LARGE1: variants seen among roughly 807,000 people sequenced by gnomAD.
The protein encoded by LARGE1 is LARGE xylosyl- and glucuronyltransferase 1.
LARGE1 carries 43 observed loss-of-function variants against 87.6 expected under a neutral mutation model. The observed-to-expected ratio is 0.49, with a 90% CI of 0.38 to 0.63. The LOEUF (loss-of-function observed/expected upper bound fraction) is 0.63, where lower values mean the gene tolerates loss of function less well. Among genes scored for constraint, LARGE1 ranks in the 30% least tolerant of loss-of-function variants. The pLI is 0.00. For synonymous variants in LARGE1, 434 were observed against 394.6 expected (o/e 1.10, Z -1.18); for missense variants, 802 against 1,000.2 (o/e 0.80, Z 2.67).
intron 2 of LARGE1, among the ~76,000 whole-genome samples, chr22:33,691,213 T>C (rs2082089461): frequency 6.6e-6 from 1 of 151,962 alleles, no homozygotes. Context: ...TGTTAGCAGA[T>C]GTGGAGGCAG....
the LARGE1 span, among the ~76,000 whole-genome samples, chr22:33,151,021 C>T: frequency 5.3e-5 from 8 of 152,184 alleles, no homozygotes; most frequent in Admixed American, 1.3e-4. Context: ...GTGCATTAAA[C>T]CTGTAGATAT....
intron 1 of LARGE1, among the ~76,000 whole-genome samples, chr22:33,793,512 A>G (rs867184601): frequency 4.6e-5 from 7 of 152,336 alleles, no homozygotes; most frequent in Middle Eastern, 3.4e-3. Context: ...TTAGGAAATG[A>G]AAGGTTCAAA....
intron 9 of LARGE1, among the ~76,000 whole-genome samples, chr22:33,347,186 T>C (rs1268470365): frequency 6.6e-6 from 1 of 152,254 alleles, no homozygotes; most frequent in African/African-American, 2.4e-5. Flanking sequence ...AGGCAATTGC[T>C]AGGTCCTTCT....
chr22:33,354,673 T>G (rs955306991), intron 9 of LARGE1, among the ~76,000 whole-genome samples: 7 of 152,236 alleles, frequency 4.6e-5, no homozygotes, highest in Non-Finnish European at 1.0e-4. Flanking sequence ...GCTACAAATA[T>G]TTTTGTATGA....
chr22:33,147,168 T>A, the LARGE1 span, among the ~76,000 whole-genome samples: 4 of 152,218 alleles, frequency 2.6e-5, no homozygotes, highest in East Asian at 7.7e-4. Context: ...GACATTTGAA[T>A]GGCTTCCAGG....
chr22:33,157,500 C>T (rs1921908984), downstream of LARGE1, among the ~76,000 whole-genome samples: 1 of 152,312 alleles, frequency 6.6e-6, no homozygotes, highest in Admixed American at 6.5e-5. Context: ...GTATTATTTA[C>T]AGCTCTAACT....
At chr22:33,128,683 A>AAAC in the LARGE1 span, among the ~76,000 whole-genome samples, 84 of 58,838 alleles carry the variant, frequency 1.4e-3, no homozygotes, top group Admixed American at 2.9e-3. Flanking sequence ...TCAAAAACAA[A>AAAC]AAAAAAAAAA....
chr22:33,746,315 G>A (rs1425787805), intron 2 of LARGE1: 1 of 152,192 alleles, frequency 6.6e-6, no homozygotes, highest in African/African-American at 2.4e-5. Context: ...ACAAGTCAAG[G>A]ACTTGGTGCC....
At chr22:33,764,221 A>G (rs1442257873) in intron 1 of LARGE1, among the ~76,000 whole-genome samples, 1 of 151,950 alleles carries the variant, frequency 6.6e-6, no homozygotes, top group Non-Finnish European at 1.5e-5. Context: ...ATTCCAACAA[A>G]CAAGTATTGC....
At chr22:33,688,292 T>A (rs2081999800) in intron 2 of LARGE1, among the ~76,000 whole-genome samples, 1 of 152,180 alleles carries the variant, frequency 6.6e-6, no homozygotes. Flanking sequence ...GTAGGTTAAG[T>A]GTTCATCATT....
chr22:33,728,411 T>C (rs923792367), intron 2 of LARGE1, among the ~76,000 whole-genome samples: 4 of 151,674 alleles, frequency 2.6e-5, no homozygotes, highest in Non-Finnish European at 5.9e-5. Context: ...CGGGGGTGCA[T>C]GCCTGTAATC....
intron 1 of LARGE1, among the ~76,000 whole-genome samples, chr22:33,888,527 G>A (rs2064920427): frequency 6.6e-6 from 1 of 152,112 alleles, no homozygotes; most frequent in East Asian, 1.9e-4. Context: ...AACATTTATG[G>A]AGCCCTCCAA....
chr22:33,544,694 C>CAACAACCACCACA (rs1555952160), intron 6 of LARGE1, among the ~76,000 whole-genome samples: 1 of 136,530 alleles, frequency 7.3e-6, no homozygotes, highest in African/African-American at 3.4e-5. Flanking sequence ...AAACAACAAC[C>CAACAACCACCACA]ACAACAACAA....
intron 4 of LARGE1, among the ~76,000 whole-genome samples, chr22:33,614,945 C>T (rs967461701): frequency 2.0e-5 from 3 of 152,206 alleles, no homozygotes; most frequent in Non-Finnish European, 4.4e-5. Flanking sequence ...TGTGCCCATG[C>T]TGTCGCCTTT....
chr22:33,803,881 C>T (rs1490624672), intron 1 of LARGE1, among the ~76,000 whole-genome samples: 1 of 152,188 alleles, frequency 6.6e-6, no homozygotes, highest in East Asian at 1.9e-4. Flanking sequence ...TTGTTTGCAT[C>T]AACAGTTTAA....
intron 6 of LARGE1, among the ~76,000 whole-genome samples, chr22:33,544,046 C>G (rs28703205): frequency 0.36 from 54,630 of 152,104 alleles, 11,202 homozygotes; most frequent in Non-Finnish European, 0.46. Flanking sequence ...ATCCTGGGTG[C>G]TGAGTCTCTC....
At chr22:33,406,780 T>C (rs2066115032) in intron 7 of LARGE1, among the ~76,000 whole-genome samples, 1 of 152,152 alleles carries the variant, frequency 6.6e-6, no homozygotes, top group Non-Finnish European at 1.5e-5. Context: ...GAGGGCTGAA[T>C]GTGAAAATGC....
intron 1 of LARGE1, among the ~76,000 whole-genome samples, chr22:33,831,890 A>C (rs1378876103): frequency 6.6e-6 from 1 of 151,928 alleles, no homozygotes; most frequent in Non-Finnish European, 1.5e-5. Context: ...CGAGGCAACC[A>C]CTCCACCTTT....
chr22:33,741,925 C>A (rs753262279), intron 2 of LARGE1, among the ~76,000 whole-genome samples: 3 of 152,172 alleles, frequency 2.0e-5, no homozygotes, highest in Admixed American at 6.5e-5. Context: ...GGCTGAGGGT[C>A]CCAGCAGAAC....
Sources: allele counts gnomAD v4.1 joint callset (sites outside exome capture counted in the v4.1 genomes callset), GRCh38; gene constraint gnomAD v4.1.1; transcripts MANE v1.5; gene names NCBI Gene and HGNC (gene_info 2026-07-23, HGNC 2026-07-21).